The following NLGN1 variants were observed in gnomAD, a reference collection of about 807,000 sequenced individuals.
NLGN1 encodes neuroligin-1.
A neutral mutation model predicts 65.5 loss-of-function variants in NLGN1; 12 were observed. The ratio of observed to expected loss-of-function variants is 0.18; its 90% CI spans 0.12 to 0.30. The LOEUF (loss-of-function observed/expected upper bound fraction) is 0.30. Among genes scored for constraint, NLGN1 ranks in the 10% least tolerant of loss-of-function variants. The probability of loss-of-function intolerance (pLI) is 1.00; values close to 1 mark genes in which losing one functional copy is unlikely to be tolerated. For synonymous variants in NLGN1, 350 were observed against 359.5 expected (o/e 0.97, Z 0.30); for missense variants, 750 against 1,007.1 (o/e 0.74, Z 3.46).
At chr3:173,602,560 T>C (rs1750717392) in intron 2 of NLGN1, among the ~76,000 whole-genome samples, 1 of 151,982 alleles carries the variant, frequency 6.6e-6, no homozygotes, top group South Asian at 2.1e-4. Flanking sequence ...AACACAGGGA[T>C]TTCTAAGTAC....
intron 4 of NLGN1, among the ~76,000 whole-genome samples, chr3:174,190,041 T>C (rs924372335): frequency 6.6e-6 from 1 of 152,028 alleles, no homozygotes; most frequent in Non-Finnish European, 1.5e-5. Context: ...AATGAGAACA[T>C]GATATCACTT....
intron 2 of NLGN1, among the ~76,000 whole-genome samples, chr3:173,530,279 A>G (rs1490622102): frequency 1.3e-5 from 2 of 152,124 alleles, no homozygotes; most frequent in African/African-American, 2.4e-5. Context: ...CTGTGTGCCT[A>G]GTTGCACCAG....
At chr3:173,884,219 A>C (rs1733907747) in intron 4 of NLGN1, among the ~76,000 whole-genome samples, 1 of 152,158 alleles carries the variant, frequency 6.6e-6, no homozygotes, top group Non-Finnish European at 1.5e-5. Context: ...TGGGGGAGAT[A>C]AAACCATAAA....
chr3:173,426,302 T>A (rs1716093394), intron 1 of NLGN1, among the ~76,000 whole-genome samples: 1 of 152,094 alleles, frequency 6.6e-6, no homozygotes, highest in African/African-American at 2.4e-5. Context: ...TTCTTCCTTT[T>A]TCATTTGCAT....
chr3:174,065,082 G>A (rs1738229577), intron 4 of NLGN1, among the ~76,000 whole-genome samples: 1 of 151,732 alleles, frequency 6.6e-6, no homozygotes, highest in African/African-American at 2.4e-5. Context: ...ATAAGTAGAA[G>A]AGATACACTT....
At chr3:173,850,412 G>T (rs1578780654) in intron 4 of NLGN1, among the ~76,000 whole-genome samples, 1 of 152,140 alleles carries the variant, frequency 6.6e-6, no homozygotes, top group Non-Finnish European at 1.5e-5. Flanking sequence ...AAAAATCACT[G>T]TGTTGTGATT....
At chr3:173,464,630 T>TCTCCATGTTG (rs1430660297) in intron 2 of NLGN1, among the ~76,000 whole-genome samples, 12 of 151,934 alleles carry the variant, frequency 7.9e-5, no homozygotes, top group Admixed American at 7.9e-4. Flanking sequence ...ACACGGGGTT[T>TCTCCATGTTG]CTCCATGTTG....
At chr3:174,267,299 C>T (rs945997770) in intron 4 of NLGN1, among the ~76,000 whole-genome samples, 1 of 152,126 alleles carries the variant, frequency 6.6e-6, no homozygotes, top group Non-Finnish European at 1.5e-5. Flanking sequence ...CAAAGAGGAA[C>T]CATTGTGTCA....
chr3:173,632,952 C>T (rs1354425564), intron 3 of NLGN1, among the ~76,000 whole-genome samples: 5 of 148,820 alleles, frequency 3.4e-5, no homozygotes, highest in Non-Finnish European at 5.9e-5. Flanking sequence ...TTGCTTCAAG[C>T]AAACTATCTT....
chr3:174,266,015 T>C (rs1341522283), intron 4 of NLGN1, among the ~76,000 whole-genome samples: 3 of 142,430 alleles, frequency 2.1e-5, no homozygotes, highest in Non-Finnish European at 4.6e-5. Context: ...CCTCAGTGCA[T>C]ATATATGTGT....
intron 1 of NLGN1, among the ~76,000 whole-genome samples, chr3:173,428,459 T>C (rs1422406045): frequency 6.6e-6 from 1 of 152,026 alleles, no homozygotes; most frequent in Non-Finnish European, 1.5e-5. Context: ...TTTTGATTTA[T>C]GATTACCATA....
intron 2 of NLGN1, among the ~76,000 whole-genome samples, chr3:173,516,964 T>A (rs370067297): frequency 1.2e-3 from 184 of 152,166 alleles, no homozygotes; most frequent in South Asian, 3.1e-3. Context: ...ATACATATTA[T>A]CTTACTATCA....
At chr3:173,764,859 C>A (rs1778514258) in intron 3 of NLGN1, among the ~76,000 whole-genome samples, 2 of 151,976 alleles carry the variant, frequency 1.3e-5, no homozygotes. Flanking sequence ...TGACTTATTA[C>A]TTTGTCAGTG....
chr3:174,292,535 C>T, the NLGN1 span, among the ~76,000 whole-genome samples: 1 of 151,280 alleles, frequency 6.6e-6, no homozygotes, highest in African/African-American at 2.4e-5. Context: ...ACATCTACCA[C>T]TTATGGCAGA....
At chr3:174,148,499 C>T (rs1347050196) in intron 4 of NLGN1, among the ~76,000 whole-genome samples, 2 of 152,080 alleles carry the variant, frequency 1.3e-5, no homozygotes, top group Non-Finnish European at 2.9e-5. Flanking sequence ...TTTTCTCTTT[C>T]CTACTCTCTT....
chr3:173,710,815 G>A (rs1297110930), intron 3 of NLGN1, among the ~76,000 whole-genome samples: 1 of 152,152 alleles, frequency 6.6e-6, no homozygotes, highest in African/African-American at 2.4e-5. Flanking sequence ...ACCCAGTCAA[G>A]TACCATGCGA....
At chr3:174,173,718 G>A (rs896165602) in intron 4 of NLGN1, among the ~76,000 whole-genome samples, 5 of 151,772 alleles carry the variant, frequency 3.3e-5, no homozygotes, top group Non-Finnish European at 7.4e-5. Context: ...GTTTGTGTGT[G>A]TGTGTGTGTG....
chr3:174,022,628 A>T (rs894847315), intron 4 of NLGN1, among the ~76,000 whole-genome samples: 3 of 152,240 alleles, frequency 2.0e-5, no homozygotes, highest in Non-Finnish European at 4.4e-5. Flanking sequence ...ATTGTGAGAG[A>T]AATGCAAATC....
chr3:173,405,652 A>C (rs891994063), intron 1 of NLGN1, among the ~76,000 whole-genome samples: 48 of 151,986 alleles, frequency 3.2e-4, no homozygotes, highest in African/African-American at 1.1e-3. Context: ...TTTTTTCTCT[A>C]TTTGCCCTCC....
Sources: allele counts gnomAD v4.1 joint callset (sites outside exome capture counted in the v4.1 genomes callset), GRCh38; gene constraint gnomAD v4.1.1; transcripts MANE v1.5; gene names NCBI Gene and HGNC (gene_info 2026-07-23, HGNC 2026-07-21).